Variants in RFX1 observed in about 807,000 individuals in gnomAD.
The protein encoded by RFX1 is MHC class II regulatory factor RFX1.
In RFX1, 42 loss-of-function variants were observed where a neutral mutation model predicts 119.6. That is an observed-to-expected ratio of 0.35 (90% CI 0.27 to 0.45). RFX1 has a LOEUF of 0.45. Ranked by LOEUF, RFX1 falls within the 20% of genes least tolerant of loss-of-function variation. RFX1 has a pLI of 1.00. For synonymous variants in RFX1, 628 were observed against 618.5 expected (o/e 1.02, Z -0.23); for missense variants, 1,118 against 1,368.1 (o/e 0.82, Z 2.88).
intron 17 of RFX1, 51 bp from the exon 18 acceptor site, chr19:13,963,797 C>G: frequency 6.7e-7 from 1 of 1,496,878 alleles, no homozygotes; most frequent in Non-Finnish European, 8.9e-7. Context: ...CCGTCACCCC[C>G]GCCTGGCCCG....
rs139665570 is a variant in RFX1 at position 14,000,454 on chromosome 19, G to A, written c.-53+5649C>T. On this transcript the variant is annotated intron_variant, in intron 1 of 20. Coordinates refer to ENST00000254325, the MANE Select transcript of RFX1 (RefSeq NM_002918.5). ...GTGAGCTGAGATTGTGCCACTGCAT[G>A]CATACAAACACACACATACACATAC... Among the ~76,000 whole-genome samples, 565 of 151,814 alleles carry A rather than the reference G, an allele frequency of 3.7e-3. 3 individuals carry two copies. Among genetic ancestry groups the A allele is most frequent in the African/African-American group, 0.013 (535 of 41,384 alleles).
intron 5 of RFX1, 112 bp downstream of exon 5, chr19:13,982,009 G>A (rs1974443312): frequency 7.0e-6 from 3 of 429,706 alleles, no homozygotes; most frequent in Non-Finnish European, 1.2e-5. Context: ...GGACTTTGGA[G>A]GAGCAAGTGG....
At position 13,962,363 on chromosome 19, in the gene RFX1, C is replaced by A; in HGVS notation, c.*332G>T. On this transcript the variant is annotated 3_prime_UTR_variant, in exon 21 of 21. Transcript: ENST00000254325. ...ACGGGAGGGGGCCTGCCTGCCTGCC[C>A]CCTGGGGTGGTGGGAGGACGGGGCT... 2.6e-6 allele frequency: 1 copy of A among 381,080 alleles called. No homozygotes were observed. Among genetic ancestry groups the A allele is most frequent in the Non-Finnish European group, 4.8e-6 (1 of 210,034 alleles). The allele number at this position is 381,080 out of a possible 1,614,324, so 23.6% of individuals were successfully genotyped here. A position where few individuals can be genotyped will look rare whatever the true frequency, so the allele number is the denominator to read the frequency against.
chr19:13,966,278 A>C lies in RFX1; in HGVS notation c.1961+143T>G. ...CCCGACTGTTGAGTGTCGGGTGGCTATACACACTCCACACAGCCAAGGATA... is the reference window on the plus strand; with the variant it reads ...CCCGACTGTTGAGTGTCGGGTGGCTCTACACACTCCACACAGCCAAGGATA... On this transcript the variant is annotated intron_variant, in intron 14 of 20. Transcript: ENST00000254325. This position sits in a 1 kb window ranked among gnomAD's most constrained non-coding sequence, Gnocchi z 6.3. The C allele has an allele frequency of 1.7e-6, 1 of 604,880 alleles. No individual in the cohort carries two copies. 37.5% of individuals were successfully genotyped at this position (604,880 alleles called of 1,614,324 possible).
At position 13,973,006 on chromosome 19, in the gene RFX1, C is replaced by T. The variant is rs768633232; in HGVS notation, c.1051G>A (p.Ala351Thr). Residue 351 changes from alanine to threonine, a missense_variant, in exon 9 of 21, where the codon GCC (alanine) becomes ACC (threonine). Physicochemically the swap from Ala to Thr is moderately conservative, Grantham distance 58. This residue lies in a region of RFX1 where 542 missense variants were observed against 602.7 expected (regional missense o/e 0.90). Coordinates refer to ENST00000254325, the MANE Select transcript of RFX1 (RefSeq NM_002918.5). ...TACATGGGCATGGAGCCACTGCTGG[C>T]CACCGCCTGGGAGGTGGCGGGGGTG... ...VSTPATSQAV[A>T]SSGSMPMYVS... 36 of 1,600,720 alleles carry T rather than the reference C, an allele frequency of 2.2e-5. No homozygotes were observed. In the Admixed American group the frequency reaches 5.5e-4, roughly 24 times the overall value.
Position 13,963,191 on chromosome 19 carries a change from G to A in RFX1, c.2655C>T (p.Tyr885=). The change falls in exon 19 of 21, where the codon TAC becomes TAT. Residue 885 remains tyrosine (Y), a synonymous_variant. Coordinates refer to ENST00000254325, the MANE Select transcript of RFX1 (RefSeq NM_002918.5). ...CGCGGTGCTCGATCAGGTAGTACATGTACTCGTCGTAGAGCAGCCGGATGA... is the reference window on the plus strand; with the variant it reads ...CGCGGTGCTCGATCAGGTAGTACATATACTCGTCGTAGAGCAGCCGGATGA... ...FHLIRLLYDE[Y]MYYLIEHRVA... is the part of the protein sequence containing the mutation. 1 of 1,612,766 alleles carries A rather than the reference G, an allele frequency of 6.2e-7. No homozygotes were observed. The highest frequency in any genetic ancestry group is 8.5e-7 in the Non-Finnish European group (1 of 1,179,460).
chr19:13,995,947 G>C (rs1199674557), intron 1 of RFX1, among the ~76,000 whole-genome samples: 1 of 151,488 alleles, frequency 6.6e-6, no homozygotes, highest in African/African-American at 2.4e-5. Context: ...AGAATTGCTT[G>C]AACCCAGGAG....
Position 13,964,002 on chromosome 19 carries a change from G to A in RFX1, c.2217C>T (p.Ala739=). Residue 739 remains alanine (A), a synonymous_variant, in exon 17 of 21, where the codon GCC becomes GCT. Transcript: ENST00000254325. ...IPEEMLRVKV[A]AAGAFAQTLR... Reference sequence around the variant, plus strand: ...GTGTCTGCGCGAAGGCGCCAGCCGCGGCCACCTGCGTGCAGGGATTGAGGG... The same window carrying A: ...GTGTCTGCGCGAAGGCGCCAGCCGCAGCCACCTGCGTGCAGGGATTGAGGG... The A allele has an allele frequency of 1.3e-6, 2 of 1,533,722 alleles. No homozygotes were observed. The highest frequency in any genetic ancestry group is 1.7e-6 in the Non-Finnish European group (2 of 1,145,844).
chr19:13,991,011 G>A (rs1216630371), intron 2 of RFX1, among the ~76,000 whole-genome samples: 1 of 152,094 alleles, frequency 6.6e-6, no homozygotes, highest in Non-Finnish European at 1.5e-5. Flanking sequence ...AAACAAAATG[G>A]GTGCTGTTCC....
Position 13,980,239 on chromosome 19 carries a change from CAGA to C in RFX1, c.738+331_738+333del, listed in dbSNP as rs1974384064. Among the ~76,000 whole-genome samples the C allele has an allele frequency of 6.6e-6, 1 of 152,130 alleles. No homozygotes were observed. Among genetic ancestry groups the C allele is most frequent in the Non-Finnish European group, 1.5e-5 (1 of 68,012 alleles). On this transcript the variant is annotated intron_variant, in intron 6 of 20. Coordinates refer to ENST00000254325, the MANE Select transcript of RFX1 (RefSeq NM_002918.5). The surrounding 1 kb of genome is among the most constrained non-coding windows in gnomAD (Gnocchi z 5.1). The stretch of plus-strand genomic sequence containing the variant: ...TGGGTCCCCTCCCTGAAATCCTCCC[CAGA>C]AGGAGCCAGGATGTGGCCTCGGGGC...
chr19:13,983,177 G>A lies in RFX1; in HGVS notation c.513+10C>T. On this transcript the variant is annotated intron_variant, in intron 4 of 20. Coordinates refer to ENST00000254325, the MANE Select transcript of RFX1 (RefSeq NM_002918.5). ...CCTTCCAGGGTGGTGGCCAGGTGCA[G>A]CAGCATTACCTGCTGGGGCACTTGG... 6.4e-7 allele frequency: 1 copy of A among 1,556,478 alleles called. No individual in the cohort carries two copies. The highest frequency in any genetic ancestry group is 1.9e-5 in the Admixed American group (1 of 53,240).
chr19:14,003,371 A>C (rs951605661), intron 1 of RFX1, among the ~76,000 whole-genome samples: 1 of 111,276 alleles, frequency 9.0e-6, no homozygotes, highest in Admixed American at 7.9e-5. Context: ...TCCCACTACA[A>C]ACTGGATCCC....
chr19:13,993,502 G>A (rs1974873976), intron 2 of RFX1, 23 bp downstream of exon 2: 1 of 1,597,810 alleles, frequency 6.3e-7, no homozygotes, highest in Non-Finnish European at 8.5e-7. Flanking sequence ...GGAGTTTTCA[G>A]GACACACGAG....
At position 13,983,544 on chromosome 19, in the gene RFX1, G is replaced by A; in HGVS notation, c.371C>T (p.Thr124Ile). ...AGTAGGAACGCCGGTCTGGCTGGCG[G>A]TGGAGCCGGGGCTGGCCTCCGACAC... ...ETVSEASPGS[T>I]ASQTGVPTQV... Residue 124 changes from threonine to isoleucine, a missense_variant, in exon 3 of 21, where the codon ACC (threonine) becomes ATC (isoleucine). Around this residue, in one of 5 missense-constraint regions of RFX1, gnomAD observed 542 missense variants for 602.7 expected, o/e 0.90. Coordinates refer to ENST00000254325, the MANE Select transcript of RFX1 (RefSeq NM_002918.5). 1 of 1,611,466 alleles carries A rather than the reference G, an allele frequency of 6.2e-7. No homozygotes were observed. Among genetic ancestry groups the A allele is most frequent in the Non-Finnish European group, 8.5e-7 (1 of 1,179,592 alleles).
At chr19:13,971,600 TTATC>T (rs1214140380) in intron 9 of RFX1, among the ~76,000 whole-genome samples, 2 of 152,154 alleles carry the variant, frequency 1.3e-5, no homozygotes, top group Non-Finnish European at 2.9e-5. Context: ...TCTGCCCTCA[TTATC>T]TATTCTCTAT....
intron 1 of RFX1, among the ~76,000 whole-genome samples, chr19:13,999,514 T>C (rs1449040911): frequency 1.3e-5 from 2 of 152,238 alleles, no homozygotes; most frequent in Non-Finnish European, 2.9e-5. Context: ...TAAAACTTTA[T>C]TTCTAGACAC....
At position 13,986,769 on chromosome 19, in the gene RFX1, G is replaced by A. The variant is rs544778896; in HGVS notation, c.320-3174C>T. Reference sequence around the variant, plus strand: ...TGGGCACCCATCCTCCCCGGGCCCCGCACTTCCCCATCTAGACCTACTCAA... The same window carrying A: ...TGGGCACCCATCCTCCCCGGGCCCCACACTTCCCCATCTAGACCTACTCAA... On this transcript the variant is annotated intron_variant, in intron 2 of 20. Transcript: ENST00000254325. This position sits in a 1 kb window ranked among gnomAD's most constrained non-coding sequence, Gnocchi z 4.2. Among the ~76,000 whole-genome samples, 1 of 152,198 alleles carries A rather than the reference G, an allele frequency of 6.6e-6. No individual in the cohort carries two copies. Among genetic ancestry groups the A allele is most frequent in the South Asian group, 2.1e-4 (1 of 4,828 alleles).
Position 13,966,043 on chromosome 19 carries a change from C to A in RFX1, c.1962-266G>T, listed in dbSNP as rs973926875. On this transcript the variant is annotated intron_variant, in intron 14 of 20. Coordinates refer to ENST00000254325, the MANE Select transcript of RFX1 (RefSeq NM_002918.5). This position sits in a 1 kb window ranked among gnomAD's most constrained non-coding sequence, Gnocchi z 6.3. ...TGGGGGCACTCTGTGGCCCTGCCCC[C>A]AGCGTCAGAAGGGCACAGGTACCCC... 1.3e-5 allele frequency among the ~76,000 whole-genome samples: 2 copies of A among 152,112 alleles called. No homozygotes were observed. Among genetic ancestry groups the A allele is most frequent in the Non-Finnish European group, 2.9e-5 (2 of 67,998 alleles).
At chr19:13,982,064 C>T (rs1375031669) in intron 5 of RFX1, 57 bp downstream of exon 5, 1 of 875,832 alleles carries the variant, frequency 1.1e-6, no homozygotes, top group Admixed American at 3.5e-5. Context: ...TATGGGGATA[C>T]ATTGCTGACC....
Sources: allele counts gnomAD v4.1 joint callset (sites outside exome capture counted in the v4.1 genomes callset), GRCh38; gene constraint gnomAD v4.1.1; regional missense constraint gnomAD v4.1.1; non-coding constraint Gnocchi (gnomAD v3.1); transcripts MANE v1.5; gene names NCBI Gene and HGNC (gene_info 2026-07-23, HGNC 2026-07-21).